Variants in PRDM5 observed in about 807,000 individuals in gnomAD.
PRDM5 encodes PR/SET domain 5, also known as PR domain zinc finger protein 5.
A neutral mutation model predicts 81.2 loss-of-function variants in PRDM5; 56 were observed. The ratio of observed to expected loss-of-function variants is 0.69; its 90% CI spans 0.56 to 0.86. The LOEUF is 0.86. Ranked by LOEUF, PRDM5 falls within the 40% of genes least tolerant of loss-of-function variation. The pLI is 0.00. For synonymous variants in PRDM5, 267 were observed against 256.4 expected (o/e 1.04, Z -0.39); for missense variants, 697 against 770.1 (o/e 0.91, Z 1.12).
At chr4:120,715,313 C>CT (rs988345899) in intron 14 of PRDM5, among the ~76,000 whole-genome samples, 4 of 151,998 alleles carry the variant, frequency 2.6e-5, no homozygotes, top group Admixed American at 6.6e-5. Flanking sequence ...CTTATAGGGC[C>CT]TTTTTTCCGG....
rs187637689 is a variant in PRDM5 at position 120,816,835 on chromosome 4, G to T, written c.740C>A (p.Ser247Ter). The change falls in exon 6 of 16, where the codon TCG becomes TAG. Residue 247 changes from serine to a stop codon, truncating the protein, a stop_gained. Transcript: ENST00000264808. LOFTEE classifies it high-confidence loss of function. ...TTTCATAACTCAGACACAAAACCTC[G>T]ATGCTGAACTGAAGGAAGAATTGCA... ...SVCNSSFSSA[S>*]SFEQHQETCR... 1 of 1,612,874 alleles carries T rather than the reference G, an allele frequency of 6.2e-7. No individual in the cohort carries two copies. The highest frequency in any genetic ancestry group is 8.5e-7 in the Non-Finnish European group (1 of 1,178,872).
intron 15 of PRDM5, among the ~76,000 whole-genome samples, chr4:120,706,085 CTTTT>C (rs5861484): frequency 2.1e-5 from 3 of 143,302 alleles, no homozygotes; most frequent in Admixed American, 1.4e-4. Flanking sequence ...GATCCTAGAT[CTTTT>C]TTTTTTTTTT....
intron 2 of PRDM5, among the ~76,000 whole-genome samples, chr4:120,906,458 T>C (rs1347769358): frequency 1.3e-5 from 2 of 152,218 alleles, no homozygotes; most frequent in African/African-American, 4.8e-5. Context: ...TGATGACGCA[T>C]TTCTTAGAAT....
At chr4:120,810,704 C>T (rs1753718324) in intron 8 of PRDM5, 1 of 151,978 alleles carries the variant, frequency 6.6e-6, no homozygotes, top group Admixed American at 6.6e-5. Flanking sequence ...AGAAGAAAGG[C>T]CTAATGTTAC....
At chr4:120,795,428 G>T (rs80277954) in intron 10 of PRDM5, among the ~76,000 whole-genome samples, 1 of 151,886 alleles carries the variant, frequency 6.6e-6, no homozygotes. Context: ...TTAAAGAATC[G>T]AAGTATATTT....
chr4:120,742,218 C>G (rs1015601204), intron 14 of PRDM5, among the ~76,000 whole-genome samples: 1 of 152,172 alleles, frequency 6.6e-6, no homozygotes, highest in African/African-American at 2.4e-5. Context: ...AGCTGAGGGT[C>G]TTGTCTGTTA....
At chr4:120,739,204 G>A (rs1351550396) in intron 14 of PRDM5, among the ~76,000 whole-genome samples, 3 of 152,122 alleles carry the variant, frequency 2.0e-5, no homozygotes, top group South Asian at 2.1e-4. Context: ...TTCCAGCCTC[G>A]GATATCCTAG....
chr4:120,728,591 A>G (rs941570954), intron 14 of PRDM5, among the ~76,000 whole-genome samples: 1 of 152,192 alleles, frequency 6.6e-6, no homozygotes, highest in Non-Finnish European at 1.5e-5. Flanking sequence ...CAAGGATATG[A>G]CATCATGGAA....
chr4:120,691,156 A>C (rs1734033680), downstream of PRDM5, among the ~76,000 whole-genome samples: 1 of 152,146 alleles, frequency 6.6e-6, no homozygotes, highest in Admixed American at 6.6e-5. Flanking sequence ...TGGACATTGC[A>C]TCTGCAGCAC....
intron 4 of PRDM5, among the ~76,000 whole-genome samples, chr4:120,819,596 G>A (rs1252200227): frequency 6.6e-6 from 1 of 152,018 alleles, no homozygotes; most frequent in Admixed American, 6.5e-5. Context: ...AAAAAATTCT[G>A]TTTAAGTTTC....
chr4:120,853,953 T>C (rs576944344), intron 2 of PRDM5, among the ~76,000 whole-genome samples: 1 of 152,204 alleles, frequency 6.6e-6, no homozygotes, highest in Non-Finnish European at 1.5e-5. Context: ...GGAGCAATCA[T>C]TTCAATTCCT....
Position 120,907,266 on chromosome 4 carries a change from G to A in PRDM5, c.177+208C>T, listed in dbSNP as rs138020106. 0.019 allele frequency among the ~76,000 whole-genome samples: 2,902 copies of A among 150,994 alleles called. 90 individuals are homozygous for A. Among genetic ancestry groups the A allele is most frequent in the East Asian group, 0.14 (740 of 5,108 alleles). On this transcript the variant is annotated intron_variant, in intron 2 of 15. Transcript: ENST00000264808. The stretch of plus-strand genomic sequence containing the variant: ...GGAGAATCGCTTGAACCTGGGGGGC[G>A]GACGTTGCAGTGAGCCAAGATCGCA...
intron 2 of PRDM5, among the ~76,000 whole-genome samples, chr4:120,881,498 T>C (rs2667176): frequency 0.24 from 36,756 of 152,122 alleles, 4,968 homozygotes; most frequent in African/African-American, 0.35. Flanking sequence ...TGTCATGAAG[T>C]AGAATTAACC....
At chr4:120,857,857 G>T (rs1471773470) in intron 2 of PRDM5, among the ~76,000 whole-genome samples, 1 of 152,106 alleles carries the variant, frequency 6.6e-6, no homozygotes, top group Non-Finnish European at 1.5e-5. Context: ...TTTCAAAGAC[G>T]AGTCTACAAT....
chr4:120,731,385 T>TA (rs1740233053), intron 14 of PRDM5, among the ~76,000 whole-genome samples: 1 of 150,098 alleles, frequency 6.7e-6, no homozygotes, highest in Non-Finnish European at 1.5e-5. Context: ...TTTTTTTTTT[T>TA]ACAAAAATTT....
At chr4:120,705,348 G>C (rs1735955326) in intron 15 of PRDM5, among the ~76,000 whole-genome samples, 1 of 152,148 alleles carries the variant, frequency 6.6e-6, no homozygotes, top group Non-Finnish European at 1.5e-5. Context: ...GTGGATATAA[G>C]TGCCATGAAG....
At chr4:120,762,447 T>C (rs975990222) in intron 13 of PRDM5, 2 of 152,212 alleles carry the variant, frequency 1.3e-5, no homozygotes, top group Non-Finnish European at 2.9e-5. Flanking sequence ...AGAAGAACTT[T>C]ACATTTTTTT....
At chr4:120,733,423 C>T (rs529923110) in intron 14 of PRDM5, among the ~76,000 whole-genome samples, 14 of 152,274 alleles carry the variant, frequency 9.2e-5, no homozygotes, top group Non-Finnish European at 1.3e-4. Context: ...TCCTTGCACA[C>T]GACACTCAGT....
intron 13 of PRDM5, among the ~76,000 whole-genome samples, chr4:120,771,226 C>T (rs1747245628): frequency 6.6e-6 from 1 of 152,130 alleles, no homozygotes; most frequent in Non-Finnish European, 1.5e-5. Context: ...TGCCCGCAAC[C>T]TCTCTTCAGA....
Sources: allele counts gnomAD v4.1 joint callset (sites outside exome capture counted in the v4.1 genomes callset), GRCh38; gene constraint gnomAD v4.1.1; transcripts MANE v1.5; gene names NCBI Gene and HGNC (gene_info 2026-07-23, HGNC 2026-07-21).